NFIB: variants seen among roughly 807,000 people sequenced by gnomAD.
NFIB encodes nuclear factor I B.
NFIB carries 11 observed loss-of-function variants against 61.5 expected under a neutral mutation model. That is an observed-to-expected ratio of 0.18 (90% CI 0.11 to 0.30). NFIB has a LOEUF of 0.30. NFIB is among the 10% of genes least tolerant of loss of function. NFIB has a pLI of 1.00. For missense variants in NFIB, 471 were observed against 608.9 expected (o/e 0.77, Z 2.38); for synonymous variants, 260 against 216.5 (o/e 1.20, Z -1.76).
intron 2 of NFIB, among the ~76,000 whole-genome samples, chr9:14,261,134 C>A (rs1312312789): frequency 6.6e-6 from 1 of 152,136 alleles, no homozygotes; most frequent in Non-Finnish European, 1.5e-5. Flanking sequence ...CTGGCCACCA[C>A]AGTGAAACCC....
chr9:14,182,863 T>C (rs1040927427), intron 2 of NFIB, among the ~76,000 whole-genome samples: 2 of 151,942 alleles, frequency 1.3e-5, no homozygotes, highest in African/African-American at 4.8e-5. Flanking sequence ...TCTTGAAAAC[T>C]GCAATAATAT....
intron 7 of NFIB, among the ~76,000 whole-genome samples, chr9:14,123,581 T>G (rs1476661385): frequency 1.3e-5 from 2 of 152,208 alleles, no homozygotes; most frequent in Non-Finnish European, 2.9e-5. Flanking sequence ...CCTGGATCAC[T>G]TCTTTGGCTT....
intron 10 of NFIB, among the ~76,000 whole-genome samples, chr9:14,104,105 G>A (rs1355453870): frequency 6.6e-6 from 1 of 151,826 alleles, no homozygotes; most frequent in African/African-American, 2.4e-5. Flanking sequence ...TAGAGATGGG[G>A]TTTTGCCATG....
intron 2 of NFIB, among the ~76,000 whole-genome samples, chr9:14,255,448 T>C (rs1174478079): frequency 6.6e-6 from 1 of 152,166 alleles, no homozygotes; most frequent in Non-Finnish European, 1.5e-5. Flanking sequence ...TGTTTTACAA[T>C]TCTCATGAAA....
intron 2 of NFIB, among the ~76,000 whole-genome samples, chr9:14,271,111 C>G (rs2057580455): frequency 6.6e-6 from 1 of 151,944 alleles, no homozygotes; most frequent in Non-Finnish European, 1.5e-5. Context: ...ACCTCCCACC[C>G]CAACAAAATC....
upstream of NFIB, among the ~76,000 whole-genome samples, chr9:14,318,505 CTTTTTTTT>C (rs34481505): frequency 1.5e-5 from 1 of 66,842 alleles, no homozygotes; most frequent in African/African-American, 6.6e-5. Context: ...CACTCGATGC[CTTTTTTTT>C]TTTTTTTTTT....
the NFIB span, among the ~76,000 whole-genome samples, chr9:14,416,742 T>G: frequency 6.6e-6 from 1 of 151,976 alleles, no homozygotes; most frequent in East Asian, 1.9e-4. Flanking sequence ...GTGGCCCAAG[T>G]GCACAGTCTT....
At chr9:14,338,560 G>C (rs934373479) in intron 1 of NFIB, among the ~76,000 whole-genome samples, 1 of 152,184 alleles carries the variant, frequency 6.6e-6, no homozygotes, top group African/African-American at 2.4e-5. Context: ...ATCTACAGAA[G>C]TGAAGGCTAA....
At chr9:14,414,296 G>C in the NFIB span, among the ~76,000 whole-genome samples, 1 of 151,828 alleles carries the variant, frequency 6.6e-6, no homozygotes, top group Non-Finnish European at 1.5e-5. Context: ...TTAGCTGGGC[G>C]TGGTGGCATG....
intron 2 of NFIB, among the ~76,000 whole-genome samples, chr9:14,199,621 T>C (rs2048812026): frequency 6.6e-6 from 1 of 152,250 alleles, no homozygotes; most frequent in South Asian, 2.1e-4. Context: ...ATTATGCTTA[T>C]AGCCGTTTTA....
At chr9:14,221,353 T>C (rs1195135024) in intron 2 of NFIB, among the ~76,000 whole-genome samples, 2 of 152,240 alleles carry the variant, frequency 1.3e-5, no homozygotes. Flanking sequence ...ATAAGAACTC[T>C]ATAAGGTATA....
upstream of NFIB, among the ~76,000 whole-genome samples, chr9:14,403,638 G>A (rs189125411): frequency 1.4e-4 from 21 of 151,942 alleles, no homozygotes; most frequent in East Asian, 3.9e-4. Context: ...GGTAATGCAT[G>A]CCATAGTTTT....
chr9:14,419,017 A>G, the NFIB span, among the ~76,000 whole-genome samples: 2 of 152,168 alleles, frequency 1.3e-5, no homozygotes, highest in Non-Finnish European at 2.9e-5. Flanking sequence ...TCTGCCATGT[A>G]TCTAATGAAT....
chr9:14,202,165 A>ACAC (rs1189615232), intron 2 of NFIB, among the ~76,000 whole-genome samples: 3 of 112,262 alleles, frequency 2.7e-5, no homozygotes, highest in South Asian at 2.8e-4. Context: ...CACACACACA[A>ACAC]AGATTTAGCA....
At chr9:14,162,742 A>G (rs986101582) in intron 3 of NFIB, among the ~76,000 whole-genome samples, 1 of 152,114 alleles carries the variant, frequency 6.6e-6, no homozygotes. Context: ...ATAACTCTGA[A>G]TCGTGAATAC....
chr9:14,515,292 G>C, the NFIB span, among the ~76,000 whole-genome samples: 8 of 152,152 alleles, frequency 5.3e-5, no homozygotes, highest in African/African-American at 1.9e-4. Flanking sequence ...GGAAGAAAAA[G>C]GGAAGTAATG....
At chr9:14,216,797 T>C (rs2050978500) in intron 2 of NFIB, among the ~76,000 whole-genome samples, 1 of 152,208 alleles carries the variant, frequency 6.6e-6, no homozygotes, top group South Asian at 2.1e-4. Context: ...AGCCAAATTT[T>C]CTAAAAGAAA....
At chr9:14,272,324 T>C (rs2057685631) in intron 2 of NFIB, among the ~76,000 whole-genome samples, 1 of 152,172 alleles carries the variant, frequency 6.6e-6, no homozygotes, top group Admixed American at 6.6e-5. Context: ...AAAATTATTT[T>C]AAATAGAACA....
chr9:14,422,487 C>T, the NFIB span, among the ~76,000 whole-genome samples: 50 of 152,236 alleles, frequency 3.3e-4, no homozygotes, highest in African/African-American at 1.1e-3. Flanking sequence ...CCAAAGCCCC[C>T]GTATTAGCTG....
Sources: gnomAD v4.1 joint callset for allele counts (sites outside exome capture counted in the v4.1 genomes callset) on GRCh38, gnomAD v4.1.1 for gene constraint, MANE v1.5 for transcripts, NCBI Gene and HGNC (gene_info 2026-07-23, HGNC 2026-07-21) for gene names.